The following LGR6 variants were observed in gnomAD, a reference collection of about 807,000 sequenced individuals.
LGR6 encodes the protein leucine-rich repeat-containing G protein-coupled receptor 6.
A neutral mutation model predicts 69.4 loss-of-function variants in LGR6; 45 were observed. The ratio of observed to expected loss-of-function variants is 0.65; its 90% confidence interval spans 0.51 to 0.83. LGR6 has a LOEUF of 0.83. Among genes scored for constraint, LGR6 ranks in the 40% least tolerant of loss-of-function variants. LGR6 has a pLI of 0.00. For missense variants in LGR6, 1,108 were observed against 1,246.7 expected, an observed-to-expected ratio of 0.89 and a Z score of 1.68; for synonymous variants, 538 against 555.0, an observed-to-expected ratio of 0.97 and a Z score of 0.43.
chr1:202,219,911 T>C lies in LGR6; in HGVS notation c.213-5512T>C, dbSNP rs114952641. On this transcript the variant is annotated intron_variant, in intron 1 of 17. Coordinates refer to ENST00000367278, the MANE Select transcript of LGR6 (RefSeq NM_001017403.2). Reference sequence around the variant, plus strand: ...ATTTTTTTTGAGACAGTTTCATTCTTGTTGCCCAGGCTGGGGTACAGTGGC... The same window carrying C: ...ATTTTTTTTGAGACAGTTTCATTCTCGTTGCCCAGGCTGGGGTACAGTGGC... Among the ~76,000 whole-genome samples, 1,367 of 152,324 alleles carry C rather than the reference T, an allele frequency of 9.0e-3. 23 individuals carry two copies. The highest frequency in any genetic ancestry group is 0.031 in the African/African-American group (1,303 of 41,558).
chr1:202,204,322 T>A (rs1218594143), intron 1 of LGR6, among the ~76,000 whole-genome samples: 3 of 36,088 alleles, frequency 8.3e-5, no homozygotes, highest in Admixed American at 3.8e-4. Flanking sequence ...AACACACACC[T>A]CCTCCTAACA....
intron 6 of LGR6, among the ~76,000 whole-genome samples, chr1:202,293,514 T>A (rs1054270308): frequency 1.8e-4 from 27 of 152,020 alleles, no homozygotes; most frequent in African/African-American, 3.9e-4. Flanking sequence ...TTTTTTTTTT[T>A]AAACCCATCT....
At chr1:202,250,376 T>A (rs1374537958) in intron 4 of LGR6, among the ~76,000 whole-genome samples, 1 of 151,386 alleles carries the variant, frequency 6.6e-6, no homozygotes, top group East Asian at 1.9e-4. Flanking sequence ...TTTTATTTTT[T>A]AATTTATTTT....
intron 6 of LGR6, among the ~76,000 whole-genome samples, chr1:202,296,500 C>T (rs1487321809): frequency 1.4e-4 from 21 of 152,236 alleles, no homozygotes; most frequent in Admixed American, 1.4e-3. Context: ...CTCCAATGCT[C>T]ACCTCTTTCC....
At chr1:202,197,010 C>G (rs1658664647) in intron 1 of LGR6, 1 of 532,696 alleles carries the variant, frequency 1.9e-6, no homozygotes, top group African/African-American at 1.9e-5. Context: ...TGTTAAAACA[C>G]TTGGACATGC....
chr1:202,197,322 C>A, intron 1 of LGR6: 2 of 502,170 alleles, frequency 4.0e-6, no homozygotes, highest in Admixed American at 2.2e-5. Context: ...CACACATGTC[C>A]AAAAACTATT....
intron 1 of LGR6, chr1:202,214,269 A>C (rs1659608085): frequency 1.3e-6 from 2 of 1,514,986 alleles, no homozygotes; most frequent in African/African-American, 1.4e-5. Flanking sequence ...CGAGCTCCGG[A>C]AAGTTCCACA....
At chr1:202,199,845 T>C (rs1658778009) in intron 1 of LGR6, among the ~76,000 whole-genome samples, 1 of 152,090 alleles carries the variant, frequency 6.6e-6, no homozygotes, top group Non-Finnish European at 1.5e-5. Flanking sequence ...CCTCAAAGGG[T>C]TGTGAGGAGA....
chr1:202,203,718 G>A (rs562088931), intron 1 of LGR6: 4 of 1,253,956 alleles, frequency 3.2e-6, no homozygotes, highest in Middle Eastern at 4.6e-4. Flanking sequence ...CTGCGTAGCA[G>A]GCGGGGCACA....
intron 1 of LGR6, among the ~76,000 whole-genome samples, chr1:202,205,913 A>G (rs1445530570): frequency 6.7e-6 from 1 of 149,198 alleles, no homozygotes; most frequent in Non-Finnish European, 1.5e-5. Context: ...ACACACACAC[A>G]CCTCCTTCAA....
rs1342564854 is a variant in LGR6 at position 202,251,566 on chromosome 1, A to G, written c.428+15573A>G. ...CCCACCCGGGAAGCCAGGAGGCTCT[A>G]TTCCCCAGGCAGGACTCCCCCAGCC... On this transcript the variant is annotated intron_variant, in intron 4 of 17. Transcript: ENST00000367278. Among the ~76,000 whole-genome samples the G allele has an allele frequency of 5.3e-5, 8 of 152,262 alleles. No homozygotes were observed. The East Asian group carries it at 1.2e-3, about 22-fold the overall frequency.
chr1:202,236,610 A>G (rs1405834370), intron 4 of LGR6, among the ~76,000 whole-genome samples: 1 of 152,202 alleles, frequency 6.6e-6, no homozygotes, highest in Admixed American at 6.5e-5. Context: ...AACCCAGCCC[A>G]GTGGGAGCCG....
At chr1:202,200,841 TGGG>T (rs940828848) in intron 1 of LGR6, among the ~76,000 whole-genome samples, 6 of 152,020 alleles carry the variant, frequency 3.9e-5, no homozygotes, top group Non-Finnish European at 7.4e-5. Flanking sequence ...AAGGACATGG[TGGG>T]GGGAGAGCTC....
At chr1:202,315,279 C>A (rs756430502) in intron 17 of LGR6, among the ~76,000 whole-genome samples, 2 of 152,214 alleles carry the variant, frequency 1.3e-5, no homozygotes, top group Admixed American at 6.5e-5. Flanking sequence ...GGGACTCCAA[C>A]AGGTCACCTT....
In LGR6 at chr1:202,300,868, A is replaced by G. The variant is rs1334115812; in HGVS notation, c.805A>G (p.Ile269Val). The change falls in exon 8 of 18, where the codon ATC (isoleucine) becomes GTC (valine). Residue 269 changes from isoleucine (I) to valine (V), a missense_variant. Ile to Val is a conservative substitution (Grantham distance 29, BLOSUM62 3). Transcript: ENST00000367278. The part of the protein sequence containing the change: ...LQELGFHNNN[I>V]KAIPEKAFMG... ...TTCCAGGGGGTTCCATAACAACAAC[A>G]TCAAGGCCATCCCAGAAAAGGCCTT... is the stretch of plus-strand genomic sequence containing the variant. 2 of 1,612,370 alleles carry G rather than the reference A, an allele frequency of 1.2e-6. No homozygotes were observed. Among genetic ancestry groups the G allele is most frequent in the Non-Finnish European group, 1.7e-6 (2 of 1,179,330 alleles).
At chr1:202,255,929 G>A (rs1663732677) in intron 4 of LGR6, among the ~76,000 whole-genome samples, 1 of 152,128 alleles carries the variant, frequency 6.6e-6, no homozygotes, top group African/African-American at 2.4e-5. Context: ...TTTAAAATAT[G>A]CAATTCGGTG....
At chr1:202,236,382 T>C (rs1271730492) in intron 4 of LGR6, 3 of 239,328 alleles carry the variant, frequency 1.3e-5, no homozygotes, top group Non-Finnish European at 2.4e-5. Flanking sequence ...CCTAGCCTGC[T>C]CTTGCCCCTG....
At chr1:202,235,507 T>C (rs1026211879) in intron 3 of LGR6, among the ~76,000 whole-genome samples, 3 of 152,160 alleles carry the variant, frequency 2.0e-5, no homozygotes, top group Non-Finnish European at 4.4e-5. Flanking sequence ...TCCCCTTCCA[T>C]AAAGAAACCT....
At chr1:202,248,011 G>A (rs1040221108) in intron 4 of LGR6, among the ~76,000 whole-genome samples, 3 of 152,202 alleles carry the variant, frequency 2.0e-5, no homozygotes, top group Non-Finnish European at 4.4e-5. Context: ...TTTCGAGAGC[G>A]TGTGAGTAAT....
Sources: gnomAD v4.1 joint callset for allele counts (sites outside exome capture counted in the v4.1 genomes callset) on GRCh38, gnomAD v4.1.1 for gene constraint, MANE v1.5 for transcripts, NCBI Gene and HGNC (gene_info 2026-07-23, HGNC 2026-07-21) for gene names.